Variants in FNBP1 observed in about 807,000 individuals in gnomAD.
The protein encoded by FNBP1 is formin-binding protein 1.
Under a neutral mutation model 90.6 loss-of-function variants are expected in FNBP1, and 26 were observed. That is an observed-to-expected ratio of 0.29 (90% CI 0.21 to 0.40). The LOEUF is 0.40. Ranked by LOEUF, FNBP1 falls within the 10% of genes least tolerant of loss-of-function variation. The pLI is 1.00. For synonymous variants in FNBP1, 260 were observed against 265.2 expected, an observed-to-expected ratio of 0.98 and a Z score of 0.19; for missense variants, 635 against 768.0, an observed-to-expected ratio of 0.83 and a Z score of 2.05.
rs1270783453 is a variant in FNBP1, at chr9:129,966,911, G to C, written c.346-8358C>G. Among the ~76,000 whole-genome samples, 3 of 152,158 alleles carry C rather than the reference G, an allele frequency of 2.0e-5. No homozygotes were observed. Among genetic ancestry groups the C allele is most frequent in the Non-Finnish European group, 2.9e-5 (2 of 68,014 alleles). On this transcript the variant is annotated intron_variant, in intron 4 of 16. Transcript: ENST00000446176. The surrounding 1 kb of genome is among the most constrained non-coding windows in gnomAD (Gnocchi z 4.3). ...TGGACAGTTGGACCACTGGCCACAGGGTAAGCATGGAAGCAGAGAAATGAA... is the reference window on the plus strand; with the variant it reads ...TGGACAGTTGGACCACTGGCCACAGCGTAAGCATGGAAGCAGAGAAATGAA...
At chr9:129,904,270 A>T (rs1399971651) in intron 12 of FNBP1, among the ~76,000 whole-genome samples, 1 of 152,172 alleles carries the variant, frequency 6.6e-6, no homozygotes, top group Non-Finnish European at 1.5e-5. Context: ...AAAGCTACAC[A>T]CTGTGGATCC....
At chr9:130,020,057 GA>G (rs1366849748) in intron 1 of FNBP1, among the ~76,000 whole-genome samples, 1 of 152,160 alleles carries the variant, frequency 6.6e-6, no homozygotes, top group Non-Finnish European at 1.5e-5. Flanking sequence ...TACTAAGAAG[GA>G]AATTCCTGTT....
intron 2 of FNBP1, among the ~76,000 whole-genome samples, chr9:129,986,769 G>T (rs1194495818): frequency 6.6e-6 from 1 of 151,872 alleles, no homozygotes; most frequent in Non-Finnish European, 1.5e-5. Context: ...CAGCCTGGGT[G>T]ACAGAGCGAG....
intron 4 of FNBP1, among the ~76,000 whole-genome samples, chr9:129,971,468 G>C (rs1236370608): frequency 1.3e-5 from 2 of 151,900 alleles, no homozygotes; most frequent in East Asian, 3.9e-4. Flanking sequence ...TCAGCTCACT[G>C]CAACTTCTGC....
chr9:129,965,610 A>G (rs1372459302), intron 4 of FNBP1, among the ~76,000 whole-genome samples: 1 of 152,112 alleles, frequency 6.6e-6, no homozygotes, highest in Non-Finnish European at 1.5e-5. Context: ...TGAGAGGCCG[A>G]GGCAGGGGGA....
At chr9:129,958,786 C>G (rs78058713) in intron 4 of FNBP1, among the ~76,000 whole-genome samples, 4 of 150,972 alleles carry the variant, frequency 2.6e-5, no homozygotes, top group Non-Finnish European at 5.9e-5. Context: ...TTCAAGACAG[C>G]CTGGGCAACA....
chr9:129,953,908 T>C (rs565477959), intron 6 of FNBP1, among the ~76,000 whole-genome samples: 1 of 151,764 alleles, frequency 6.6e-6, no homozygotes, highest in Admixed American at 6.6e-5. Context: ...CTGATACTAG[T>C]AACAATGATT....
intron 16 of FNBP1, among the ~76,000 whole-genome samples, chr9:129,891,561 C>A (rs552180901): frequency 6.6e-6 from 1 of 152,316 alleles, no homozygotes; most frequent in Non-Finnish European, 1.5e-5. Context: ...CTTGGCTCTT[C>A]AGCAGTACAA....
At chr9:129,974,035 C>T (rs1163183580) in intron 4 of FNBP1, among the ~76,000 whole-genome samples, 1 of 151,976 alleles carries the variant, frequency 6.6e-6, no homozygotes, top group Non-Finnish European at 1.5e-5. Context: ...CGTTGCCAGG[C>T]TGGTCTCGAA....
chr9:130,017,763 G>A (rs2131831673), intron 1 of FNBP1, among the ~76,000 whole-genome samples: 1 of 151,600 alleles, frequency 6.6e-6, no homozygotes, highest in African/African-American at 2.4e-5. Flanking sequence ...CCGGAAGGCA[G>A]AGGTTGCAGT....
rs150512440 is a variant in FNBP1, at chr9:129,935,016, T to A, written c.514-5321A>T. 1.7e-4 allele frequency among the ~76,000 whole-genome samples: 26 copies of A among 152,310 alleles called. No individual in the cohort carries two copies. The East Asian group carries it at 5.0e-3, about 29-fold the overall frequency. ...AGAAACTGAACTGTAGCCCAATATT[T>A]TGAAATCCTAATGGGTTTAAAGACA... is the stretch of plus-strand genomic sequence containing the variant. On this transcript the variant is annotated intron_variant, in intron 6 of 16. Transcript: ENST00000446176.
intron 10 of FNBP1, among the ~76,000 whole-genome samples, chr9:129,921,019 T>C (rs1427538490): frequency 6.6e-6 from 1 of 152,202 alleles, no homozygotes; most frequent in Non-Finnish European, 1.5e-5. Context: ...CAATCCATCA[T>C]CCACTTTTGA....
upstream of FNBP1, among the ~76,000 whole-genome samples, chr9:130,047,474 A>G (rs2060066979): frequency 6.6e-6 from 1 of 152,112 alleles, no homozygotes; most frequent in South Asian, 2.1e-4. Flanking sequence ...TTAGCTGGGC[A>G]TGGTGGCGCA....
chr9:129,930,796 T>C (rs577077754), intron 6 of FNBP1, among the ~76,000 whole-genome samples: 86 of 152,314 alleles, frequency 5.6e-4, no homozygotes, highest in Non-Finnish European at 1.1e-3. Context: ...ATAAATATAA[T>C]CTTGTGAATC....
At chr9:129,909,932 A>G (rs1399176233) in intron 11 of FNBP1, among the ~76,000 whole-genome samples, 5 of 152,174 alleles carry the variant, frequency 3.3e-5, no homozygotes, top group Non-Finnish European at 7.3e-5. Context: ...GTTCAGAGAG[A>G]ATGCCCTCCC....
the FNBP1 span, among the ~76,000 whole-genome samples, chr9:130,049,497 T>C: frequency 1.3e-5 from 2 of 152,128 alleles, no homozygotes; most frequent in Non-Finnish European, 2.9e-5. Flanking sequence ...GAGGACTGTT[T>C]GAGCCCAGGA....
chr9:129,905,294 G>GTGTA (rs374989661), intron 12 of FNBP1, among the ~76,000 whole-genome samples: 57 of 132,344 alleles, frequency 4.3e-4, no homozygotes, highest in South Asian at 1.8e-3. Flanking sequence ...GTGTGTGTGT[G>GTGTA]TATATATATA....
At chr9:130,014,761 A>G (rs1589269935) in intron 1 of FNBP1, among the ~76,000 whole-genome samples, 1 of 152,312 alleles carries the variant, frequency 6.6e-6, no homozygotes, top group African/African-American at 2.4e-5. Flanking sequence ...GAGATCAAAA[A>G]TGAAGGTAAA....
intron 1 of FNBP1, among the ~76,000 whole-genome samples, chr9:130,032,432 A>G (rs2132181132): frequency 6.6e-6 from 1 of 152,300 alleles, no homozygotes; most frequent in South Asian, 2.1e-4. Flanking sequence ...TGGCCTCCCC[A>G]AATGCTGGGA....
Sources: allele counts gnomAD v4.1 joint callset (sites outside exome capture counted in the v4.1 genomes callset), GRCh38; gene constraint gnomAD v4.1.1; non-coding constraint Gnocchi (gnomAD v3.1); transcripts MANE v1.5; gene names NCBI Gene and HGNC (gene_info 2026-07-23, HGNC 2026-07-21).